The following MCTP2 variants were observed in gnomAD, a reference collection of about 807,000 sequenced individuals.
MCTP2 encodes multiple C2 and transmembrane domain containing 2, also known as multiple C2 and transmembrane domain-containing protein 2.
A neutral mutation model predicts 111.6 loss-of-function variants in MCTP2; 132 were observed. That is an observed-to-expected ratio of 1.18 (90% CI 1.03 to 1.37). The LOEUF (loss-of-function observed/expected upper bound fraction) is 1.37, where lower values mean the gene tolerates loss of function less well. Ranked by LOEUF, MCTP2 falls within the 40% of genes most tolerant of loss-of-function variation. The pLI, the probability that MCTP2 is intolerant of heterozygous loss-of-function variation, is 0.00. For synonymous variants in MCTP2, 395 were observed against 387.7 expected (o/e 1.02, Z -0.22); for missense variants, 1,183 against 1,067.9 (o/e 1.11, Z -1.50).
chr15:94,263,260 G>C (rs1224775182), intron 1 of MCTP2, among the ~76,000 whole-genome samples: 2 of 152,182 alleles, frequency 1.3e-5, no homozygotes, highest in African/African-American at 2.4e-5. Flanking sequence ...TCTTCTGAGA[G>C]ATACATACAG....
intron 4 of MCTP2, among the ~76,000 whole-genome samples, chr15:94,338,103 TATA>T (rs1302138931): frequency 1.3e-5 from 2 of 152,204 alleles, no homozygotes; most frequent in Admixed American, 1.3e-4. Flanking sequence ...TAATTTTTGA[TATA>T]ATAGTCCTAG....
intron 7 of MCTP2, chr15:94,343,245 T>G (rs1250430486): frequency 6.6e-6 from 1 of 152,090 alleles, no homozygotes; most frequent in African/African-American, 2.4e-5. Flanking sequence ...TATCAGAATC[T>G]TTGTTCTTTT....
chr15:94,395,739 A>T (rs2081250439), intron 14 of MCTP2, among the ~76,000 whole-genome samples: 2 of 152,164 alleles, frequency 1.3e-5, no homozygotes, highest in South Asian at 2.1e-4. Flanking sequence ...TATAGAAAAA[A>T]GTTAAATAGC....
intron 4 of MCTP2, among the ~76,000 whole-genome samples, chr15:94,337,233 C>G (rs781627244): frequency 1.3e-5 from 2 of 152,036 alleles, no homozygotes; most frequent in Non-Finnish European, 2.9e-5. Flanking sequence ...TTGTAAACCC[C>G]GGTCCCTTTT....
rs538611279 is a variant in MCTP2, at chr15:94,427,245, A to G, written c.2086-12931A>G. On this transcript the variant is annotated intron_variant, in intron 17 of 22. Transcript: ENST00000357742. ...AGATTGAAGCAAACTCTATGTTAGTACTTTGTACTCTGTTGATTGCTGTGT... is the reference window on the plus strand; with the variant it reads ...AGATTGAAGCAAACTCTATGTTAGTGCTTTGTACTCTGTTGATTGCTGTGT... Among the ~76,000 whole-genome samples the G allele has an allele frequency of 2.6e-5, 4 of 152,216 alleles. No individual in the cohort carries two copies. The South Asian group carries it at 8.3e-4, about 32-fold the overall frequency.
At chr15:94,411,585 T>C (rs752968627) in intron 17 of MCTP2, among the ~76,000 whole-genome samples, 2 of 152,184 alleles carry the variant, frequency 1.3e-5, no homozygotes, top group Non-Finnish European at 2.9e-5. Flanking sequence ...CTGGTCAGGG[T>C]TTACTACAGC....
At chr15:94,428,692 T>C (rs891178288) in intron 17 of MCTP2, among the ~76,000 whole-genome samples, 4 of 152,194 alleles carry the variant, frequency 2.6e-5, no homozygotes, top group African/African-American at 9.6e-5. Context: ...TATAACCTTG[T>C]TTCTGTGGTC....
chr15:94,408,588 G>T (rs2082010370), intron 17 of MCTP2, among the ~76,000 whole-genome samples: 1 of 151,952 alleles, frequency 6.6e-6, no homozygotes, highest in South Asian at 2.1e-4. Context: ...CCTTCTATTG[G>T]CAGGTTCTCA....
At chr15:94,278,867 C>G (rs1021077396) in intron 1 of MCTP2, among the ~76,000 whole-genome samples, 1 of 152,026 alleles carries the variant, frequency 6.6e-6, no homozygotes, top group African/African-American at 2.4e-5. Context: ...GGATAATGGC[C>G]TACAGCTCCC....
rs1156598141 is a variant in MCTP2, at chr15:94,339,336, G to A, written c.684G>A (p.Leu228=). The A allele has an allele frequency of 6.2e-7, 1 of 1,611,252 alleles. No individual in the cohort carries two copies. Among genetic ancestry groups the A allele is most frequent in the South Asian group, 1.1e-5 (1 of 90,838 alleles). ...YVKFKLNGKT[L]YKSKVIYKNL... Reference sequence around the variant, plus strand: ...AATTTAAGCTGAATGGGAAGACGCTGTACAAAAGTAAAGTCATATATAAGA... The same window carrying A: ...AATTTAAGCTGAATGGGAAGACGCTATACAAAAGTAAAGTCATATATAAGA... The change falls in exon 5 of 23, where the codon CTG becomes CTA. Residue 228 remains leucine (L), a synonymous_variant. Coordinates refer to ENST00000357742, the MANE Select transcript of MCTP2 (RefSeq NM_001385001.1).
Position 94,478,975 on chromosome 15 carries a change from G to A in MCTP2, c.2578G>A (p.Ala860Thr), listed in dbSNP as rs767824820. Residue 860 changes from alanine (A) to threonine (T), a missense_variant, in exon 23 of 23, where the codon GCA becomes ACA. Transcript: ENST00000357742. ...VPSDVQKVQY[A>T]ELKLCSSHSP... Reference sequence around the variant, plus strand: ...CTATTTGTTTTCACAGGTGCAGTATGCAGAATTGAAACTCTGCAGCAGCCA... The same window carrying A: ...CTATTTGTTTTCACAGGTGCAGTATACAGAATTGAAACTCTGCAGCAGCCA... 8.7e-6 allele frequency: 14 copies of A among 1,613,886 alleles called. No homozygotes were observed. The highest frequency in any genetic ancestry group is 1.7e-4 in the Middle Eastern group (1 of 6,048).
chr15:94,311,977 A>T (rs1287786653), intron 2 of MCTP2, among the ~76,000 whole-genome samples: 1 of 152,222 alleles, frequency 6.6e-6, no homozygotes, highest in Non-Finnish European at 1.5e-5. Flanking sequence ...GACCATCATT[A>T]TCCTTGGCTA....
chr15:94,427,186 C>T (rs2082936386), intron 17 of MCTP2, among the ~76,000 whole-genome samples: 1 of 152,106 alleles, frequency 6.6e-6, no homozygotes, highest in African/African-American at 2.4e-5. Context: ...AGTTACCATG[C>T]ATGCACTCCA....
rs753229929 is a variant in MCTP2, at chr15:94,458,256, A to C, written c.2360+10A>C. 1.3e-6 allele frequency: 2 copies of C among 1,538,584 alleles called. No homozygotes were observed. Among genetic ancestry groups the C allele is most frequent in the African/African-American group, 2.7e-5 (2 of 73,430 alleles). On this transcript the variant is annotated intron_variant, in intron 20 of 22. Transcript: ENST00000357742. ...GAGAAAGGATTAAGAAGTAAGTTCTAAATTTGTGTTGTGGTGTTTGCAGTA... is the reference window on the plus strand; with the variant it reads ...GAGAAAGGATTAAGAAGTAAGTTCTCAATTTGTGTTGTGGTGTTTGCAGTA...
At position 94,448,980 on chromosome 15, in the gene MCTP2, C is replaced by T. The variant is rs182191516; in HGVS notation, c.2250+6020C>T. 1.4e-4 allele frequency among the ~76,000 whole-genome samples: 21 copies of T among 152,214 alleles called. No homozygotes were observed. The Middle Eastern group carries it at 0.01, about 74-fold the overall frequency. ...TGCTTGAACTGGGAGGCAGAGGTTG[C>T]GGTGAGCCGAGATCGTGCCACTGAA... On this transcript the variant is annotated intron_variant, in intron 19 of 22. Transcript: ENST00000357742.
intron 5 of MCTP2, 110 bp from the exon 6 acceptor site, chr15:94,340,089 A>G: frequency 1.3e-6 from 1 of 745,134 alleles, no homozygotes; most frequent in South Asian, 1.7e-5. Context: ...GTATTTCAAG[A>G]TCTGAAAGAC....
intron 1 of MCTP2, among the ~76,000 whole-genome samples, chr15:94,263,845 C>G (rs182092928): frequency 6.6e-6 from 1 of 152,168 alleles, no homozygotes; most frequent in East Asian, 1.9e-4. Flanking sequence ...GAAACTTTAG[C>G]GAGTATACCA....
chr15:94,357,298 A>G (rs1403135759), intron 9 of MCTP2, among the ~76,000 whole-genome samples: 2 of 152,250 alleles, frequency 1.3e-5, no homozygotes, highest in African/African-American at 4.8e-5. Flanking sequence ...AGACAGAAGT[A>G]TGCAGATAAT....
intron 1 of MCTP2, among the ~76,000 whole-genome samples, chr15:94,239,267 A>G (rs1456196118): frequency 6.6e-6 from 1 of 152,240 alleles, no homozygotes; most frequent in Admixed American, 6.5e-5. Context: ...AAAGATATGT[A>G]TATAGATATG....
Sources: gnomAD v4.1 joint callset for allele counts (sites outside exome capture counted in the v4.1 genomes callset) on GRCh38, gnomAD v4.1.1 for gene constraint, MANE v1.5 for transcripts, NCBI Gene and HGNC (gene_info 2026-07-23, HGNC 2026-07-21) for gene names.